EXPH5: variants seen among roughly 807,000 people sequenced by gnomAD.
EXPH5 encodes exophilin 5, also known as exophilin-5.
A neutral mutation model predicts 41.1 loss-of-function variants in EXPH5; 42 were observed. The observed-to-expected ratio is 1.02, with a 90% CI of 0.80 to 1.32. EXPH5 has a LOEUF of 1.32. EXPH5 is among the 40% of genes most tolerant of loss of function. The probability of loss-of-function intolerance (pLI) is 0.00; values close to 1 mark genes in which losing one functional copy is unlikely to be tolerated. For missense variants in EXPH5, 2,298 were observed against 2,314.5 expected (o/e 0.99, Z 0.15); for synonymous variants, 798 against 833.5 (o/e 0.96, Z 0.73).
intron 3 of EXPH5, chr11:108,538,309 C>T (rs978849341): frequency 7.4e-6 from 7 of 945,214 alleles, no homozygotes; most frequent in African/African-American, 5.3e-5. Context: ...GAAGACATGC[C>T]GAAAATATTT....
chr11:108,516,008 C>T (rs1337196560), intron 5 of EXPH5, among the ~76,000 whole-genome samples: 2 of 144,332 alleles, frequency 1.4e-5, no homozygotes, highest in East Asian at 2.2e-4. Flanking sequence ...GGAGGCAGAG[C>T]TTGCAGTGAG....
At position 108,514,518 on chromosome 11, in the gene EXPH5, G is replaced by A. The variant is rs766538748; in HGVS notation, c.989C>T (p.Ala330Val). Residue 330 changes from alanine to valine, a missense_variant, in exon 6 of 6, where the codon GCC becomes GTC. By Grantham distance (64) the Ala-to-Val change is moderately conservative. Transcript: ENST00000265843. ...SLCFDSRQRS[A>V]LPATGHFTAR... ...TGTGAAATGCCCTGTGGCTGGTAAG[G>A]CCGACCGTTGCCTGCTGTCAAAACA... The A allele has an allele frequency of 1.2e-6, 2 of 1,612,612 alleles. No homozygotes were observed. Among genetic ancestry groups the A allele is most frequent in the South Asian group, 2.2e-5 (2 of 90,764 alleles).
At chr11:108,558,981 G>T (rs1028873447) in intron 1 of EXPH5, among the ~76,000 whole-genome samples, 7 of 152,208 alleles carry the variant, frequency 4.6e-5, no homozygotes, top group Admixed American at 3.9e-4. Context: ...GTGAGTGAAA[G>T]AATTAAGCTT....
chr11:108,534,070 C>T (rs555975707), intron 3 of EXPH5, among the ~76,000 whole-genome samples: 2 of 152,314 alleles, frequency 1.3e-5, no homozygotes, highest in East Asian at 3.9e-4. Context: ...GTTGAGATTA[C>T]AGGCGGCCAC....
the EXPH5 span, among the ~76,000 whole-genome samples, chr11:108,599,896 C>T: frequency 2.6e-5 from 4 of 152,188 alleles, no homozygotes; most frequent in Non-Finnish European, 5.9e-5. Flanking sequence ...GCCATGCCTG[C>T]TCTCAATAGA....
At chr11:108,527,507 G>A (rs1337039246) in intron 4 of EXPH5, among the ~76,000 whole-genome samples, 1 of 152,046 alleles carries the variant, frequency 6.6e-6, no homozygotes, top group East Asian at 1.9e-4. Flanking sequence ...CCTTCCTAAA[G>A]GTCCCTTCCA....
At chr11:108,591,052 A>C (rs1247052932) in intron 1 of EXPH5, among the ~76,000 whole-genome samples, 1 of 152,174 alleles carries the variant, frequency 6.6e-6, no homozygotes, top group Non-Finnish European at 1.5e-5. Context: ...CAACCTGCTA[A>C]ATTTCTAAAC....
the EXPH5 span, among the ~76,000 whole-genome samples, chr11:108,604,860 C>T: frequency 6.6e-6 from 1 of 152,104 alleles, no homozygotes; most frequent in African/African-American, 2.4e-5. Flanking sequence ...GAAAGGAACA[C>T]TCACATAAAG....
At chr11:108,582,472 A>G (rs1162995573) in intron 1 of EXPH5, among the ~76,000 whole-genome samples, 2 of 152,006 alleles carry the variant, frequency 1.3e-5, no homozygotes, top group African/African-American at 4.8e-5. Flanking sequence ...TCACAAAGAA[A>G]AAAAAAAAAG....
At chr11:108,601,242 T>G in the EXPH5 span, among the ~76,000 whole-genome samples, 1 of 152,248 alleles carries the variant, frequency 6.6e-6, no homozygotes, top group East Asian at 1.9e-4. Flanking sequence ...TAATTAACTG[T>G]ATGTTTTAAT....
intron 1 of EXPH5, among the ~76,000 whole-genome samples, chr11:108,584,342 G>A (rs1398099004): frequency 6.6e-6 from 1 of 152,130 alleles, no homozygotes; most frequent in African/African-American, 2.4e-5. Context: ...GCTAGGTGTG[G>A]CGTCACACAG....
chr11:108,523,955 T>C (rs114294686), intron 4 of EXPH5, among the ~76,000 whole-genome samples: 6,664 of 152,202 alleles, frequency 0.044, 440 homozygotes, highest in African/African-American at 0.14. Flanking sequence ...AATATTAGGA[T>C]TCAGAAAAGC....
chr11:108,606,923 C>G, the EXPH5 span, among the ~76,000 whole-genome samples: 3 of 152,150 alleles, frequency 2.0e-5, no homozygotes, highest in Non-Finnish European at 2.9e-5. Context: ...TTTACCTTTT[C>G]AGACTACAAA....
rs2094072551 is a variant in EXPH5 at position 108,574,220 on chromosome 11, T to G, written c.119+19198A>C. The stretch of plus-strand genomic sequence containing the variant: ...CACCGCGCCCAACCTACAAAAAGAT[T>G]TTTAAAAAATTAGCTGGGTGTGGTG... On this transcript the variant is annotated intron_variant, in intron 1 of 5. Transcript: ENST00000265843. Among the ~76,000 whole-genome samples the G allele has an allele frequency of 4.6e-5, 7 of 151,918 alleles. No individual in the cohort carries two copies. In the South Asian group the frequency reaches 1.5e-3, roughly 32 times the overall value.
intron 1 of EXPH5, among the ~76,000 whole-genome samples, chr11:108,581,241 T>A (rs1209542449): frequency 6.6e-6 from 1 of 151,654 alleles, no homozygotes; most frequent in East Asian, 1.9e-4. Context: ...GAGGTGGAGG[T>A]TGCAGTGAGC....
In EXPH5 at chr11:108,512,785, T is replaced by G; in HGVS notation, c.2722A>C (p.Arg908=). The G allele has an allele frequency of 1.2e-6, 2 of 1,614,118 alleles. No individual in the cohort carries two copies. Among genetic ancestry groups the G allele is most frequent in the Non-Finnish European group, 1.7e-6 (2 of 1,179,988 alleles). ...GGATCTTTGTCTGAAGGACTTCTCC[T>G]GGAGAACACTGTAGTAGATGGAACC... ...PVVPSTTVFS[R]RSPSDKDPSL... Residue 908 remains arginine, a synonymous_variant, in exon 6 of 6, where the codon AGG becomes CGG. Coordinates refer to ENST00000265843, the MANE Select transcript of EXPH5 (RefSeq NM_015065.3).
chr11:108,509,950 A>G lies in EXPH5; in HGVS notation c.5557T>C (p.Ser1853Pro). The G allele has an allele frequency of 1.2e-6, 2 of 1,612,690 alleles. No homozygotes were observed. The highest frequency in any genetic ancestry group is 1.7e-6 in the Non-Finnish European group (2 of 1,179,564). ...NGYSRRFRSFSELPSCDGNES... is the reference protein window; with the variant it reads ...NGYSRRFRSFPELPSCDGNES... ...TTTCCATCACAGGAGGGGAGTTCAG[A>G]AAAAGATCTGAATCTTCGACTGTAC... Residue 1853 changes from serine (S) to proline (P), a missense_variant, in exon 6 of 6, where the codon TCT becomes CCT. By Grantham distance (74) the Ser-to-Pro change is moderately conservative. Coordinates refer to ENST00000265843, the MANE Select transcript of EXPH5 (RefSeq NM_015065.3).
chr11:108,579,695 G>C (rs1473044906), intron 1 of EXPH5, among the ~76,000 whole-genome samples: 1 of 152,260 alleles, frequency 6.6e-6, no homozygotes, highest in South Asian at 2.1e-4. Flanking sequence ...AATTGTGAAA[G>C]AATGTAAAAT....
At position 108,513,079 on chromosome 11, in the gene EXPH5, G is replaced by C; in HGVS notation, c.2428C>G (p.Leu810Val). ...GTTCTGTGTTCCTGAATGAAAGGAA[G>C]GGAAGCTGTTGAGCCAAGTTTTCTG... is the stretch of plus-strand genomic sequence containing the variant. ...ENRKLGSTASLPFIQEHRTPP... is the reference protein window; with the variant it reads ...ENRKLGSTASVPFIQEHRTPP... Residue 810 changes from leucine (L) to valine (V), a missense_variant, in exon 6 of 6, where the codon CTT becomes GTT. By Grantham distance (32) the Leu-to-Val change is conservative (BLOSUM62 1). Coordinates refer to ENST00000265843, the MANE Select transcript of EXPH5 (RefSeq NM_015065.3). The C allele has an allele frequency of 6.2e-7, 1 of 1,611,724 alleles. No homozygotes were observed. The highest frequency in any genetic ancestry group is 8.5e-7 in the Non-Finnish European group (1 of 1,179,392).
Sources: gnomAD v4.1 joint callset for allele counts (sites outside exome capture counted in the v4.1 genomes callset) on GRCh38, gnomAD v4.1.1 for gene constraint, MANE v1.5 for transcripts, NCBI Gene and HGNC (gene_info 2026-07-23, HGNC 2026-07-21) for gene names.